Variants in PTPRQ observed in about 807,000 individuals in gnomAD.
PTPRQ encodes protein tyrosine phosphatase receptor type Q, also known as phosphatidylinositol phosphatase PTPRQ.
PTPRQ carries 199 observed loss-of-function variants against 246.0 expected under a neutral mutation model. The observed-to-expected ratio is 0.81, with a 90% CI of 0.72 to 0.91. PTPRQ has a LOEUF of 0.91. Ranked by LOEUF, PTPRQ falls within the 40% of genes least tolerant of loss-of-function variation. The probability of loss-of-function intolerance (pLI) is 0.00; values close to 1 mark genes in which losing one functional copy is unlikely to be tolerated. For missense variants in PTPRQ, 2,624 were observed against 2,528.4 expected, an observed-to-expected ratio of 1.04 and a Z score of -0.81; for synonymous variants, 869 against 853.2, an observed-to-expected ratio of 1.02 and a Z score of -0.32.
At chr12:80,546,011 C>CTA (rs1187969432) in intron 23 of PTPRQ, among the ~76,000 whole-genome samples, 2 of 151,892 alleles carry the variant, frequency 1.3e-5, no homozygotes, top group Non-Finnish European at 2.9e-5. Flanking sequence ...ATAAAACACT[C>CTA]TAGTTTTTTA....
At chr12:80,620,042 A>T in intron 31 of PTPRQ, 112 bp from the exon 32 acceptor site, 1 of 1,303,288 alleles carries the variant, frequency 7.7e-7, no homozygotes, top group African/African-American at 1.5e-5. Flanking sequence ...ATCTCTGGTG[A>T]CTGATGTTGC....
At chr12:80,524,327 C>T (rs1895613137) in intron 17 of PTPRQ, among the ~76,000 whole-genome samples, 1 of 152,016 alleles carries the variant, frequency 6.6e-6, no homozygotes, top group Admixed American at 6.6e-5. Flanking sequence ...AAGGGGTTTC[C>T]CCTTTCGCTT....
At chr12:80,581,833 G>A (rs1015973398) in intron 25 of PTPRQ, among the ~76,000 whole-genome samples, 1 of 152,054 alleles carries the variant, frequency 6.6e-6, no homozygotes, top group African/African-American at 2.4e-5. Flanking sequence ...TATGAAAAAG[G>A]AAATTAAAGA....
intron 6 of PTPRQ, among the ~76,000 whole-genome samples, chr12:80,463,998 G>A (rs1489311585): frequency 1.3e-5 from 2 of 151,618 alleles, no homozygotes; most frequent in Non-Finnish European, 2.9e-5. Context: ...ATACTGACAG[G>A]TTCAAATTCA....
chr12:80,630,237 C>T (rs1436700826), intron 33 of PTPRQ, among the ~76,000 whole-genome samples: 1 of 151,878 alleles, frequency 6.6e-6, no homozygotes, highest in Middle Eastern at 3.2e-3. Flanking sequence ...TTCTTTTCTC[C>T]TTTCCTTCCC....
At position 80,588,460 on chromosome 12, in the gene PTPRQ, T is replaced by C; in HGVS notation, c.4609+8T>C. ...CAAAAACTCTGCCTGGCCGTGAGTA[T>C]TGTCCTGACATGTACATACTGATTT... On this transcript the variant is annotated splice_region_variant and intron_variant, in intron 26 of 44. Coordinates refer to ENST00000644991, the MANE Select transcript of PTPRQ (RefSeq NM_001145026.2). 1 of 1,474,266 alleles carries C rather than the reference T, an allele frequency of 6.8e-7. No homozygotes were observed. The highest frequency in any genetic ancestry group is 9.0e-7 in the Non-Finnish European group (1 of 1,111,534). 91.3% of individuals were successfully genotyped at this position (1,474,266 alleles called of 1,614,324 possible). A position where few individuals can be genotyped will look rare whatever the true frequency, so the allele number is the denominator to read the frequency against.
intron 25 of PTPRQ, among the ~76,000 whole-genome samples, chr12:80,561,754 C>G (rs554224870): frequency 5.3e-5 from 8 of 152,224 alleles, no homozygotes; most frequent in Non-Finnish European, 1.0e-4. Flanking sequence ...TTGCTTCTTC[C>G]TTTCTCATCT....
At chr12:80,536,841 A>G (rs1896002518) in intron 19 of PTPRQ, among the ~76,000 whole-genome samples, 1 of 152,204 alleles carries the variant, frequency 6.6e-6, no homozygotes, top group East Asian at 1.9e-4. Flanking sequence ...TCTTTTATGC[A>G]TTTAAAAAAC....
chr12:80,545,601 A>C (rs965267948), intron 23 of PTPRQ, among the ~76,000 whole-genome samples: 5 of 151,776 alleles, frequency 3.3e-5, no homozygotes, highest in Non-Finnish European at 7.4e-5. Context: ...TTCTATGAGA[A>C]AGCGTATTCC....
chr12:80,479,721 GCAAT>G (rs1893963953), intron 8 of PTPRQ, among the ~76,000 whole-genome samples: 1 of 149,360 alleles, frequency 6.7e-6, no homozygotes, highest in Admixed American at 6.7e-5. Flanking sequence ...GGCAGGGGTT[GCAAT>G]CCTAGTCTCT....
intron 12 of PTPRQ, 98 bp downstream of exon 12, chr12:80,495,469 A>G: frequency 7.3e-7 from 1 of 1,373,074 alleles, no homozygotes; most frequent in East Asian, 2.7e-5. Context: ...ATACTACAGA[A>G]CACATGCTAT....
At chr12:80,578,287 T>C (rs1897329679) in intron 25 of PTPRQ, among the ~76,000 whole-genome samples, 2 of 147,630 alleles carry the variant, frequency 1.4e-5, no homozygotes, top group African/African-American at 5.0e-5. Context: ...GTTCTCATTG[T>C]TCAGTTCCCA....
chr12:80,568,545 T>G (rs1460609904), intron 25 of PTPRQ, among the ~76,000 whole-genome samples: 1 of 152,212 alleles, frequency 6.6e-6, no homozygotes, highest in East Asian at 1.9e-4. Flanking sequence ...TAAGTTGTCT[T>G]GGCTGCATAT....
chr12:80,654,991 T>G (rs982735404), intron 38 of PTPRQ, among the ~76,000 whole-genome samples: 2 of 152,190 alleles, frequency 1.3e-5, no homozygotes, highest in African/African-American at 4.8e-5. Flanking sequence ...AAAGTTTTTT[T>G]GCTGTGTGAC....
intron 39 of PTPRQ, among the ~76,000 whole-genome samples, chr12:80,667,836 C>T (rs541124054): frequency 6.6e-6 from 1 of 151,850 alleles, no homozygotes; most frequent in Non-Finnish European, 1.5e-5. Context: ...CACACTTTAA[C>T]TACATATTTA....
At chr12:80,507,620 T>C (rs1895002827) in intron 16 of PTPRQ, among the ~76,000 whole-genome samples, 1 of 151,932 alleles carries the variant, frequency 6.6e-6, no homozygotes, top group African/African-American at 2.4e-5. Context: ...TCTCCATGTT[T>C]TAACCTCTAC....
intron 17 of PTPRQ, among the ~76,000 whole-genome samples, chr12:80,514,894 G>A (rs1212615817): frequency 6.8e-6 from 1 of 147,494 alleles, no homozygotes; most frequent in Non-Finnish European, 1.5e-5. Flanking sequence ...AACAAAAAAG[G>A]ATAGACCTTA....
chr12:80,573,166 A>G (rs1382202872), intron 25 of PTPRQ, among the ~76,000 whole-genome samples: 1 of 152,162 alleles, frequency 6.6e-6, no homozygotes, highest in Non-Finnish European at 1.5e-5. Context: ...TTTAATAAAT[A>G]TAGAACTACT....
intron 17 of PTPRQ, among the ~76,000 whole-genome samples, chr12:80,533,423 A>G (rs1895899886): frequency 6.6e-6 from 1 of 151,988 alleles, no homozygotes; most frequent in African/African-American, 2.4e-5. Context: ...TGATTGAGTG[A>G]GAGGTGTGAG....
Sources: gnomAD v4.1 joint callset for allele counts (sites outside exome capture counted in the v4.1 genomes callset) on GRCh38, gnomAD v4.1.1 for gene constraint, MANE v1.5 for transcripts, NCBI Gene and HGNC (gene_info 2026-07-23, HGNC 2026-07-21) for gene names.